PPIE: variants seen among roughly 807,000 people sequenced by gnomAD.
PPIE encodes the protein peptidylprolyl isomerase E, also known as peptidyl-prolyl cis-trans isomerase E.
In PPIE, 20 loss-of-function variants were observed where a neutral mutation model predicts 38.4. The observed-to-expected ratio is 0.52, with a 90% CI of 0.37 to 0.76. The LOEUF is 0.76. PPIE is among the 30% of genes least tolerant of loss of function. PPIE has a pLI of 0.00. For synonymous variants in PPIE, 142 were observed against 135.7 expected, an observed-to-expected ratio of 1.05 and a Z score of -0.32; for missense variants, 322 against 385.8, an observed-to-expected ratio of 0.83 and a Z score of 1.39.
chr1:39,741,433 C>T, intron 3 of PPIE, 24 bp downstream of exon 3: 1 of 1,611,664 alleles, frequency 6.2e-7, no homozygotes, highest in Non-Finnish European at 8.5e-7. Flanking sequence ...TTACTAGTGT[C>T]TAGTCCTTGG....
chr1:39,760,300 G>T (rs1179709238), downstream of PPIE: 2 of 1,475,606 alleles, frequency 1.4e-6, no homozygotes, highest in East Asian at 2.3e-5. Context: ...GTACGTGGTT[G>T]TGAGGGTCCT....
At chr1:39,759,555 A>G (rs1648665234), downstream of PPIE, 1 of 152,266 alleles carries the variant, frequency 6.6e-6, no homozygotes, top group Non-Finnish European at 1.5e-5. Context: ...GGAAAGGGAA[A>G]TGATGGCATC....
chr1:39,746,761 A>G (rs576573711), intron 7 of PPIE: 3 of 152,326 alleles, frequency 2.0e-5, no homozygotes, highest in East Asian at 3.9e-4. Flanking sequence ...CGGGTCTGCT[A>G]TATCATTTAG....
intron 8 of PPIE, among the ~76,000 whole-genome samples, chr1:39,749,793 TC>T (rs1300194200): frequency 4.6e-5 from 7 of 152,132 alleles, no homozygotes; most frequent in Non-Finnish European, 1.0e-4. Flanking sequence ...CTCTGCTAGA[TC>T]AGTCCATTAG....
chr1:39,748,787 A>T, intron 7 of PPIE, 116 bp from the exon 8 acceptor site: 1 of 906,956 alleles, frequency 1.1e-6, no homozygotes, highest in African/African-American at 1.7e-5. Flanking sequence ...ACAAAGGTTT[A>T]TAATGAGTAT....
intron 9 of PPIE, chr1:39,762,713 G>A: frequency 6.9e-7 from 1 of 1,459,092 alleles, no homozygotes; most frequent in Non-Finnish European, 9.1e-7. Flanking sequence ...GGTCAGACTT[G>A]CCAGCGTACT....
intron 8 of PPIE, among the ~76,000 whole-genome samples, chr1:39,751,427 C>T (rs181501103): frequency 5.3e-5 from 8 of 152,240 alleles, no homozygotes; most frequent in Non-Finnish European, 7.4e-5. Context: ...TGGTGCAAGA[C>T]GGCTCACTGC....
chr1:39,745,607 T>G (rs1647183900), intron 7 of PPIE, 109 bp downstream of exon 7: 19 of 1,537,588 alleles, frequency 1.2e-5, no homozygotes, highest in Non-Finnish European at 1.7e-5. Flanking sequence ...GCTTCTGACC[T>G]AAGTTGATTT....
chr1:39,743,850 A>G lies in PPIE; in HGVS notation c.310A>G (p.Lys104Glu), dbSNP rs924710963. ...TTGGTCAGATGATGACTGGTTGAAG[A>G]AGTTTTCTGGGAAGACGCTTGAAGA... ...PVWSDDDWLK[K>E]FSGKTLEENK... The change falls in exon 6 of 10, where the codon AAG (lysine) becomes GAG (glutamate). Residue 104 changes from lysine (K) to glutamate (E), a missense_variant. Physicochemically the swap from Lys to Glu is moderately conservative, Grantham distance 56. Coordinates refer to ENST00000324379, the MANE Select transcript of PPIE (RefSeq NM_006112.4). The G allele has an allele frequency of 1.2e-6, 2 of 1,613,920 alleles. No homozygotes were observed. The highest frequency in any genetic ancestry group is 1.7e-6 in the Non-Finnish European group (2 of 1,179,848).
At chr1:39,760,672 C>T (rs142417178), downstream of PPIE, 689 of 1,406,094 alleles carry the variant, frequency 4.9e-4, 2 homozygotes, top group African/African-American at 8.6e-3. Flanking sequence ...CTGGCCATCT[C>T]CAGGCCACAT....
chr1:39,739,078 C>T, intron 1 of PPIE, 147 bp downstream of exon 1: 1 of 890,386 alleles, frequency 1.1e-6, no homozygotes. Flanking sequence ...ATAGCTCTGG[C>T]TGTGCTTAAA....
Position 39,755,418 on chromosome 1 carries a change from G to A in PPIE, c.*2063G>A, listed in dbSNP as rs1346991687. 1 of 985,298 alleles carries A rather than the reference G, an allele frequency of 1.0e-6. No individual in the cohort carries two copies. The highest frequency in any genetic ancestry group is 1.2e-6 in the Non-Finnish European group (1 of 829,936). The allele number at this position is 985,298 out of a possible 1,614,324, so 61.0% of individuals were successfully genotyped here. On this transcript the variant is annotated 3_prime_UTR_variant, in exon 10 of 10. Coordinates refer to ENST00000324379, the MANE Select transcript of PPIE (RefSeq NM_006112.4). ...CAGCTGCTACAGTTGACTGAGTTCA[G>A]GCTCCATGTAGCTGGGATATACTAC...
intron 8 of PPIE, among the ~76,000 whole-genome samples, chr1:39,749,460 C>T (rs1647474067): frequency 6.6e-6 from 1 of 152,118 alleles, no homozygotes; most frequent in South Asian, 2.1e-4. Context: ...ACTGAACAAT[C>T]CCACTTGAAA....
chr1:39,740,083 G>A (rs112291263), intron 1 of PPIE, 82 bp from the exon 2 acceptor site: 90 of 1,064,326 alleles, frequency 8.5e-5, no homozygotes, highest in African/African-American at 4.2e-4. Context: ...CCTGTCCCCT[G>A]GCTAGCATGC....
chr1:39,753,156 G>A lies in PPIE; in HGVS notation c.837+104G>A. On this transcript the variant is annotated intron_variant, in intron 9 of 9. Transcript: ENST00000324379. ...GGCCTGAGAGAGATGGCCAGGGGCT[G>A]TGTCCAGCGGGAGGGGCTGCTGCTG... 5.0e-6 allele frequency: 8 copies of A among 1,589,696 alleles called. No homozygotes were observed. In the South Asian group the frequency reaches 8.9e-5, roughly 18 times the overall value.
intron 8 of PPIE, 144 bp downstream of exon 8, chr1:39,749,232 C>A: frequency 1.2e-6 from 1 of 844,714 alleles, no homozygotes; most frequent in Non-Finnish European, 1.8e-6. Flanking sequence ...GAGAACCATG[C>A]AGCCTTGCTA....
In PPIE at chr1:39,740,280, C is replaced by CA; in HGVS notation, c.130+18dup. 6.3e-7 allele frequency: 1 copy of CA among 1,587,910 alleles called. No homozygotes were observed. The highest frequency in any genetic ancestry group is 8.6e-7 in the Non-Finnish European group (1 of 1,158,642). On this transcript the variant is annotated intron_variant, in intron 2 of 9. Transcript: ENST00000324379. ...ATGAAACAGGTGAGTTAGTGTCTCT[C>CA]ACGTTCAGAATCCTCTTACTAGGAA... is the stretch of plus-strand genomic sequence containing the variant.
At chr1:39,760,280 A>G, downstream of PPIE, 4 of 1,349,864 alleles carry the variant, frequency 3.0e-6, no homozygotes, top group Non-Finnish European at 4.0e-6. Context: ...CATGAAGGAG[A>G]AAGGGTCATG....
chr1:39,762,564 C>A lies in PPIE; in HGVS notation c.838-1125C>A, dbSNP rs562516798. The A allele has an allele frequency of 6.0e-5, 93 of 1,550,350 alleles. No individual in the cohort carries two copies. The East Asian group carries it at 1.3e-3, about 22-fold the overall frequency. On this transcript the variant is annotated intron_variant, in intron 9 of 9. Coordinates refer to the PPIE transcript ENST00000356511. ...CAAAAGCCAGGGGATCCAGAAAAAA[C>A]AAAGATGGCCAAGAGAGAAACTGGG...
Sources: gnomAD v4.1 joint callset for allele counts (sites outside exome capture counted in the v4.1 genomes callset) on GRCh38, gnomAD v4.1.1 for gene constraint, MANE v1.5 for transcripts, NCBI Gene and HGNC (gene_info 2026-07-23, HGNC 2026-07-21) for gene names.